LIPF: variants seen among roughly 807,000 people sequenced by gnomAD.
LIPF encodes the protein lipase F, gastric type, also known as gastric triacylglycerol lipase.
Under a neutral mutation model 38.0 loss-of-function variants are expected in LIPF, and 25 were observed. The observed-to-expected ratio is 0.66, with a 90% CI of 0.48 to 0.92. The LOEUF is 0.92. Ranked by LOEUF, LIPF falls within the 40% of genes least tolerant of loss-of-function variation. LIPF has a pLI of 0.00. For synonymous variants in LIPF, 161 were observed against 156.2 expected (o/e 1.03, Z -0.23); for missense variants, 410 against 469.9 (o/e 0.87, Z 1.18).
intron 8 of LIPF, 56 bp downstream of exon 8, chr10:88,675,713 T>C (rs1841676613): frequency 1.6e-6 from 2 of 1,283,516 alleles, no homozygotes; most frequent in African/African-American, 2.9e-5. Context: ...CCCTTTTCAC[T>C]TTACCTAAAC....
At chr10:88,668,199 T>C (rs1201984691) in intron 3 of LIPF, among the ~76,000 whole-genome samples, 3 of 152,052 alleles carry the variant, frequency 2.0e-5, no homozygotes, top group Non-Finnish European at 4.4e-5. Context: ...ATTGTAGAAA[T>C]GTTATGAAGT....
At chr10:88,671,316 G>A (rs1236557920) in intron 5 of LIPF, among the ~76,000 whole-genome samples, 1 of 152,086 alleles carries the variant, frequency 6.6e-6, no homozygotes, top group African/African-American at 2.4e-5. Flanking sequence ...ATTTCAGAGA[G>A]GGAAACAGTG....
intron 1 of LIPF, among the ~76,000 whole-genome samples, chr10:88,666,770 A>G (rs1199598746): frequency 5.9e-5 from 9 of 152,206 alleles, no homozygotes; most frequent in Non-Finnish European, 1.5e-5. Context: ...AAATCACATA[A>G]TAACCTCAAA....
rs1841533308 is a variant in LIPF, at chr10:88,667,642, A to G, written c.179A>G (p.Glu60Gly). The G allele has an allele frequency of 6.3e-7, 1 of 1,587,338 alleles. No homozygotes were observed. Among genetic ancestry groups the G allele is most frequent in the African/African-American group, 1.3e-5 (1 of 74,386 alleles). ...GTGACTGAAGATGGTTATATTCTTG[A>G]AGTCAATAGAATTCCTTATGGGAAG... Reference protein sequence around the residue: ...EVVTEDGYILEVNRIPYGKKN... With the variant: ...EVVTEDGYILGVNRIPYGKKN... Residue 60 changes from glutamate to glycine, a missense_variant, in exon 3 of 10, where the codon GAA becomes GGA. Glu to Gly is a moderately conservative substitution (Grantham distance 98). Coordinates refer to ENST00000238983, the MANE Select transcript of LIPF (RefSeq NM_004190.4).
Position 88,678,553 on chromosome 10 carries a change from A to G in LIPF, c.1069A>G (p.Lys357Glu). Residue 357 changes from lysine to glutamate, a missense_variant, in exon 10 of 10, where the codon AAA becomes GAA. Transcript: ENST00000238983. ...DPQDVGLLLP[K>E]LPNLIYHKEI... ...CCAAGATGTTGGCCTTTTGCTTCCA[A>G]AACTCCCCAATCTTATTTACCACAA... 3 of 1,614,036 alleles carry G rather than the reference A, an allele frequency of 1.9e-6. No individual in the cohort carries two copies. The highest frequency in any genetic ancestry group is 2.5e-6 in the Non-Finnish European group (3 of 1,179,942).
chr10:88,670,896 A>C (rs1841586394), intron 5 of LIPF, among the ~76,000 whole-genome samples: 1 of 152,196 alleles, frequency 6.6e-6, no homozygotes, highest in African/African-American at 2.4e-5. Context: ...GTACCCATGC[A>C]GGAGATGGTG....
intron 7 of LIPF, 172 bp from the exon 8 acceptor site, chr10:88,675,414 A>G: frequency 1.7e-6 from 1 of 580,198 alleles, no homozygotes; most frequent in Non-Finnish European, 3.0e-6. Context: ...TAACACATGC[A>G]ATTGCACTTT....
Position 88,678,580 on chromosome 10 carries a change from G to T in LIPF, c.1096G>T (p.Glu366Ter), listed in dbSNP as rs1841724787. The T allele has an allele frequency of 6.2e-7, 1 of 1,613,920 alleles. No homozygotes were observed. Among genetic ancestry groups the T allele is most frequent in the Non-Finnish European group, 8.5e-7 (1 of 1,179,832 alleles). The part of the protein sequence containing the change: ...PKLPNLIYHK[E>*]IPFYNHLDFI... ...ACTCCCCAATCTTATTTACCACAAG[G>T]AGATTCCTTTTTACAATCACTTGGA... Residue 366 changes from glutamate to a stop codon, truncating the protein, a stop_gained, in exon 10 of 10, where the codon GAG (glutamate) becomes TAG (stop). Coordinates refer to ENST00000238983, the MANE Select transcript of LIPF (RefSeq NM_004190.4). LOFTEE classifies it low-confidence loss of function (END_TRUNC).
chr10:88,668,897 A>G, intron 4 of LIPF, 141 bp downstream of exon 4: 1 of 718,624 alleles, frequency 1.4e-6, no homozygotes. Context: ...CCATTCTTGG[A>G]TTCTTCCATG....
chr10:88,674,946 T>C (rs2134645953), intron 7 of LIPF, among the ~76,000 whole-genome samples: 1 of 152,252 alleles, frequency 6.6e-6, no homozygotes, highest in South Asian at 2.1e-4. Flanking sequence ...CTGTATTCCA[T>C]TAGTGAGAGT....
intron 1 of LIPF, among the ~76,000 whole-genome samples, chr10:88,665,286 C>T (rs1841494136): frequency 6.6e-6 from 1 of 152,114 alleles, no homozygotes; most frequent in East Asian, 1.9e-4. Context: ...ATGAGATGCC[C>T]AGCATGTTAA....
At chr10:88,677,651 G>A (rs1350655705) in intron 9 of LIPF, among the ~76,000 whole-genome samples, 8 of 152,148 alleles carry the variant, frequency 5.3e-5, no homozygotes, top group Admixed American at 3.9e-4. Context: ...TACACAAAAT[G>A]TGAGAATACA....
intron 8 of LIPF, 73 bp from the exon 9 acceptor site, chr10:88,676,136 T>C (rs1841682917): frequency 5.8e-6 from 5 of 868,406 alleles, no homozygotes; most frequent in Non-Finnish European, 8.9e-6. Context: ...AATAAACTGC[T>C]TGGAAATGTT....
rs17333782 is a variant in LIPF, at chr10:88,669,062, T to C, written c.422+306T>C. The C allele has an allele frequency of 1.1e-3, 303 of 278,142 alleles. 3 individuals carry two copies. Among genetic ancestry groups the C allele is most frequent in the African/African-American group, 6.2e-3 (292 of 46,768 alleles). 17.2% of individuals were successfully genotyped at this position (278,142 alleles called of 1,614,324 possible). A position where few individuals can be genotyped will look rare whatever the true frequency, so the allele number is the denominator to read the frequency against. ...GGAAAATTCCAAAGGAATGTCCATA[T>C]GGATTCAAGAGAGAAGTAAAAACCC... On this transcript the variant is annotated intron_variant, in intron 4 of 9. Coordinates refer to ENST00000238983, the MANE Select transcript of LIPF (RefSeq NM_004190.4).
intron 6 of LIPF, among the ~76,000 whole-genome samples, chr10:88,673,326 CTT>C (rs1452099245): frequency 6.6e-6 from 1 of 152,186 alleles, no homozygotes; most frequent in Non-Finnish European, 1.5e-5. Context: ...GATTGTAACT[CTT>C]TGTGTCTTAT....
At chr10:88,677,274 A>T (rs1248522369) in intron 9 of LIPF, among the ~76,000 whole-genome samples, 1 of 152,118 alleles carries the variant, frequency 6.6e-6, no homozygotes, top group Non-Finnish European at 1.5e-5. Context: ...CACTTTCTCA[A>T]ATCTCCAAAA....
At chr10:88,678,394 G>T (rs1429609550) in intron 9 of LIPF, 51 bp from the exon 10 acceptor site, 5 of 1,275,532 alleles carry the variant, frequency 3.9e-6, no homozygotes, top group African/African-American at 1.5e-5. Flanking sequence ...GTAAGTACTG[G>T]GTTTAAAGTG....
intron 9 of LIPF, 101 bp from the exon 10 acceptor site, chr10:88,678,344 T>G (rs753765687): frequency 1.1e-6 from 1 of 869,866 alleles, no homozygotes; most frequent in Non-Finnish European, 1.9e-6. Flanking sequence ...AGAATTCACT[T>G]ATAAAACCGC....
In LIPF at chr10:88,671,872, C is replaced by T; in HGVS notation, c.576C>T (p.Ile192=). The part of the protein sequence containing the change: ...FSTNPSLAKR[I]KTFYALAPVA... ...CCAATCCCAGCCTGGCTAAAAGAAT[C>T]AAAACCTTCTATGCTCTAGCTCCTG... The change falls in exon 6 of 10, where the codon ATC becomes ATT. Residue 192 remains isoleucine (I), a synonymous_variant. Coordinates refer to ENST00000238983, the MANE Select transcript of LIPF (RefSeq NM_004190.4). 6.2e-7 allele frequency: 1 copy of T among 1,613,332 alleles called. No homozygotes were observed. The highest frequency in any genetic ancestry group is 8.5e-7 in the Non-Finnish European group (1 of 1,179,634).
Sources: allele counts gnomAD v4.1 joint callset (sites outside exome capture counted in the v4.1 genomes callset), GRCh38; gene constraint gnomAD v4.1.1; transcripts MANE v1.5; gene names NCBI Gene and HGNC (gene_info 2026-07-23, HGNC 2026-07-21).